The following NAV2 variants were observed in gnomAD, a reference collection of about 807,000 sequenced individuals.
The protein encoded by NAV2 is helicase, APC down-regulated 1.
In NAV2, 54 loss-of-function variants were observed where a neutral mutation model predicts 223.2. That is an observed-to-expected ratio of 0.24 (90% confidence interval 0.19 to 0.30). NAV2 has a LOEUF of 0.30. Among genes scored for constraint, NAV2 ranks in the 10% least tolerant of loss-of-function variants. The pLI, the probability that NAV2 is intolerant of heterozygous loss-of-function variation, is 1.00. For synonymous variants in NAV2, 1,279 were observed against 1,239.3 expected (o/e 1.03, Z -0.67); for missense variants, 2,806 against 3,147.5 (o/e 0.89, Z 2.60).
intron 1 of NAV2, among the ~76,000 whole-genome samples, chr11:19,735,324 G>A (rs929113676): frequency 6.6e-6 from 1 of 152,166 alleles, no homozygotes; most frequent in Admixed American, 6.5e-5. Context: ...AAAAATGGGT[G>A]GTACTAGAGA....
At chr11:19,937,695 G>A (rs774791242) in intron 7 of NAV2, among the ~76,000 whole-genome samples, 11 of 152,190 alleles carry the variant, frequency 7.2e-5, no homozygotes, top group Non-Finnish European at 1.0e-4. Flanking sequence ...CAAGTCTAAT[G>A]TTCCTTCTAG....
At chr11:20,058,012 C>T (rs1433688065) in intron 19 of NAV2, among the ~76,000 whole-genome samples, 2 of 152,194 alleles carry the variant, frequency 1.3e-5, no homozygotes, top group Non-Finnish European at 2.9e-5. Flanking sequence ...ACTGTGAATA[C>T]ATAACATTAT....
chr11:19,708,863 A>G (rs1021528691), upstream of NAV2, among the ~76,000 whole-genome samples: 1 of 151,654 alleles, frequency 6.6e-6, no homozygotes, highest in Non-Finnish European at 1.5e-5. Flanking sequence ...ATGGTGGGCC[A>G]TTTCAACTTG....
intron 1 of NAV2, among the ~76,000 whole-genome samples, chr11:19,527,897 G>C (rs1386043954): frequency 1.3e-5 from 2 of 151,182 alleles, no homozygotes; most frequent in Non-Finnish European, 2.9e-5. Context: ...CTGTGGGGTT[G>C]AGGGTGCAGC....
At chr11:19,902,885 C>T (rs1032337483) in intron 6 of NAV2, among the ~76,000 whole-genome samples, 2 of 151,916 alleles carry the variant, frequency 1.3e-5, no homozygotes, top group Non-Finnish European at 2.9e-5. Context: ...ATGAAACTAA[C>T]ATTTCTGTGA....
intron 1 of NAV2, among the ~76,000 whole-genome samples, chr11:19,393,908 T>TTTTTC (rs1554918428): frequency 6.7e-6 from 1 of 148,650 alleles, no homozygotes; most frequent in African/African-American, 2.5e-5. Context: ...TTTTTTTTCT[T>TTTTTC]TTTTTTTTTT....
chr11:19,853,560 C>T (rs979474195), intron 3 of NAV2, among the ~76,000 whole-genome samples: 1 of 152,102 alleles, frequency 6.6e-6, no homozygotes, highest in Non-Finnish European at 1.5e-5. Context: ...TTTTGTGTGG[C>T]CCTAGACAAT....
At chr11:19,523,908 T>G (rs1307549364) in intron 1 of NAV2, among the ~76,000 whole-genome samples, 1 of 152,230 alleles carries the variant, frequency 6.6e-6, no homozygotes, top group African/African-American at 2.4e-5. Context: ...CTGTTTATAA[T>G]GCCTTCCTTC....
At chr11:19,491,383 A>T (rs1435213264) in intron 1 of NAV2, among the ~76,000 whole-genome samples, 3 of 152,216 alleles carry the variant, frequency 2.0e-5, no homozygotes, top group African/African-American at 7.2e-5. Flanking sequence ...TTCATCAATG[A>T]TGTTAGCTAG....
chr11:19,355,949 T>A (rs1853590984), intron 1 of NAV2, among the ~76,000 whole-genome samples: 1 of 152,184 alleles, frequency 6.6e-6, no homozygotes, highest in Non-Finnish European at 1.5e-5. Flanking sequence ...TACTGACATG[T>A]TAGGTGAGGA....
At chr11:19,367,466 G>A (rs981272263) in intron 1 of NAV2, among the ~76,000 whole-genome samples, 1 of 152,054 alleles carries the variant, frequency 6.6e-6, no homozygotes, top group African/African-American at 2.4e-5. Context: ...TTTATGTCTG[G>A]GACATTGTAG....
At chr11:19,487,098 T>G (rs922086324) in intron 1 of NAV2, among the ~76,000 whole-genome samples, 1 of 152,176 alleles carries the variant, frequency 6.6e-6, no homozygotes, top group African/African-American at 2.4e-5. Flanking sequence ...CTGGGCCTCT[T>G]TATCTAGAAA....
rs116626737 is a variant in NAV2 at position 19,706,777 on chromosome 11, G to A, written c.76-125707G>A. ...TCAATGGTTTGCTACCTGCAGTCAT[G>A]CATTACTTAATAATAGGGATATGTT... On this transcript the variant is annotated intron_variant, in intron 1 of 37. Coordinates refer to the NAV2 transcript ENST00000360655. Among the ~76,000 whole-genome samples the A allele has an allele frequency of 4.4e-3, 671 of 152,306 alleles. 6 individuals carry two copies. Among genetic ancestry groups the A allele is most frequent in the African/African-American group, 0.015 (617 of 41,562 alleles).
At chr11:19,615,779 T>C (rs2046772242) in intron 1 of NAV2, among the ~76,000 whole-genome samples, 2 of 152,198 alleles carry the variant, frequency 1.3e-5, no homozygotes, top group Non-Finnish European at 2.9e-5. Flanking sequence ...GCGTGTGATG[T>C]GCTAGCACCC....
chr11:19,882,553 A>G (rs1176572218), intron 5 of NAV2, among the ~76,000 whole-genome samples: 1 of 152,228 alleles, frequency 6.6e-6, no homozygotes, highest in Non-Finnish European at 1.5e-5. Context: ...AGGAACATGC[A>G]TTGAGAAATA....
At chr11:19,399,943 TGACGCTTCA>T (rs1301698453) in intron 1 of NAV2, among the ~76,000 whole-genome samples, 1 of 152,200 alleles carries the variant, frequency 6.6e-6, no homozygotes, top group Non-Finnish European at 1.5e-5. Flanking sequence ...TTGGAAGTGA[TGACGCTTCA>T]GTTAGGTCTG....
intron 1 of NAV2, among the ~76,000 whole-genome samples, chr11:19,463,198 G>A (rs1296076212): frequency 6.6e-6 from 1 of 152,242 alleles, no homozygotes; most frequent in Non-Finnish European, 1.5e-5. Context: ...GCAGCATGGT[G>A]TTAGCTTGGT....
chr11:19,592,834 A>G (rs972285901), intron 1 of NAV2, among the ~76,000 whole-genome samples: 2 of 152,242 alleles, frequency 1.3e-5, no homozygotes, highest in African/African-American at 2.4e-5. Flanking sequence ...AGTTCATTTA[A>G]AACATTTTTA....
At chr11:19,970,644 G>A (rs1026407678) in intron 10 of NAV2, among the ~76,000 whole-genome samples, 1 of 152,112 alleles carries the variant, frequency 6.6e-6, no homozygotes, top group Non-Finnish European at 1.5e-5. Context: ...GAAGGCTGGA[G>A]CACAAGAAGA....
Sources: allele counts gnomAD v4.1 joint callset (sites outside exome capture counted in the v4.1 genomes callset), GRCh38; gene constraint gnomAD v4.1.1; transcripts MANE v1.5; gene names NCBI Gene and HGNC (gene_info 2026-07-23, HGNC 2026-07-21).